The following OR9Q1 variants were observed in gnomAD, a reference collection of about 807,000 sequenced individuals.
OR9Q1 encodes the protein olfactory receptor family 9 subfamily Q member 1.
For synonymous variants in OR9Q1, 153 were observed against 148.6 expected, an observed-to-expected ratio of 1.03 and a Z score of -0.22; for missense variants, 374 against 378.8, an observed-to-expected ratio of 0.99 and a Z score of 0.11.
chr11:58,146,866 T>C (rs145242425), intron 2 of OR9Q1, among the ~76,000 whole-genome samples: 12 of 152,304 alleles, frequency 7.9e-5, no homozygotes, highest in Admixed American at 5.2e-4. Context: ...GGGCTTAGTG[T>C]GAGATGCAAC....
chr11:58,115,210 C>A (rs1853941292), intron 2 of OR9Q1, among the ~76,000 whole-genome samples: 1 of 152,110 alleles, frequency 6.6e-6, no homozygotes. Context: ...TTAACAATAA[C>A]ATATGTATTG....
At chr11:58,090,687 C>G (rs1200914657) in intron 2 of OR9Q1, among the ~76,000 whole-genome samples, 2 of 152,044 alleles carry the variant, frequency 1.3e-5, no homozygotes, top group Non-Finnish European at 2.9e-5. Flanking sequence ...CCCTGTTTTT[C>G]TATTGTTTGG....
chr11:58,053,329 T>A (rs1363875131), intron 1 of OR9Q1, among the ~76,000 whole-genome samples: 2 of 151,048 alleles, frequency 1.3e-5, no homozygotes, highest in South Asian at 2.1e-4. Context: ...ATCATCATTC[T>A]CAGTAAACTA....
chr11:58,146,534 C>G (rs1854300516), intron 2 of OR9Q1, among the ~76,000 whole-genome samples: 2 of 152,134 alleles, frequency 1.3e-5, no homozygotes. Flanking sequence ...ATGGTTCCTT[C>G]AGCATGGAGA....
intron 2 of OR9Q1, among the ~76,000 whole-genome samples, chr11:58,096,052 A>ATT (rs1853728072): frequency 6.6e-6 from 1 of 152,024 alleles, no homozygotes; most frequent in East Asian, 1.9e-4. Context: ...CAACATATGT[A>ATT]TTTAAAGACT....
intron 1 of OR9Q1, among the ~76,000 whole-genome samples, chr11:58,042,753 C>A (rs558062043): frequency 6.6e-6 from 1 of 152,150 alleles, no homozygotes; most frequent in Non-Finnish European, 1.5e-5. Flanking sequence ...GCCATTTTCA[C>A]GATATTGATT....
chr11:58,102,221 A>T (rs1025948143), intron 2 of OR9Q1, among the ~76,000 whole-genome samples: 1 of 150,720 alleles, frequency 6.6e-6, no homozygotes, highest in African/African-American at 2.4e-5. Context: ...CATTTTGTCA[A>T]TTGCTTTCTG....
chr11:58,174,168 T>C (rs1854581336), intron 2 of OR9Q1, among the ~76,000 whole-genome samples: 1 of 152,192 alleles, frequency 6.6e-6, no homozygotes, highest in Non-Finnish European at 1.5e-5. Flanking sequence ...GCTTGCTTTG[T>C]CTTGTGGGAC....
chr11:58,126,501 G>C (rs148570242), intron 2 of OR9Q1, among the ~76,000 whole-genome samples: 36 of 152,238 alleles, frequency 2.4e-4, no homozygotes, highest in African/African-American at 8.7e-4. Context: ...AAAAACCTTT[G>C]AAAATTAGCA....
intron 1 of OR9Q1, chr11:58,031,669 G>A: frequency 6.2e-7 from 1 of 1,613,928 alleles, no homozygotes; most frequent in Non-Finnish European, 8.5e-7. Context: ...CTGAGCGCTG[G>A]AAGGCCTTCT....
At chr11:58,160,816 G>A (rs1490420149) in intron 2 of OR9Q1, among the ~76,000 whole-genome samples, 2 of 152,040 alleles carry the variant, frequency 1.3e-5, no homozygotes, top group South Asian at 2.1e-4. Flanking sequence ...GCAAGTTCAC[G>A]CCCACCATAG....
chr11:58,048,702 G>A (rs1328215880), intron 1 of OR9Q1, among the ~76,000 whole-genome samples: 4 of 118,902 alleles, frequency 3.4e-5, no homozygotes, highest in Admixed American at 2.5e-4. Context: ...ATATTTTTTA[G>A]CAAGACTAAT....
At chr11:58,024,522 C>A (rs555182390) in intron 1 of OR9Q1, among the ~76,000 whole-genome samples, 1 of 152,294 alleles carries the variant, frequency 6.6e-6, no homozygotes, top group Non-Finnish European at 1.5e-5. Context: ...CTACAGGAAC[C>A]AAGTTTCAAT....
intron 2 of OR9Q1, among the ~76,000 whole-genome samples, chr11:58,059,687 CAAAAAAAAAAAAAAAAAAAAAAAAA>C (rs58893511): frequency 2.5e-5 from 1 of 40,188 alleles, no homozygotes; most frequent in African/African-American, 8.8e-5. Flanking sequence ...GGCTCTGTCT[CAAAAAAAAAAAAAAAAAAAAAAAAA>C]AAAAGGAAAG....
At chr11:58,103,206 C>T (rs1853801300) in intron 2 of OR9Q1, among the ~76,000 whole-genome samples, 1 of 152,090 alleles carries the variant, frequency 6.6e-6, no homozygotes, top group Non-Finnish European at 1.5e-5. Context: ...CACATGGCGG[C>T]AGCAAGGAGA....
intron 2 of OR9Q1, among the ~76,000 whole-genome samples, chr11:58,082,697 G>A (rs1157537089): frequency 2.5e-4 from 37 of 145,306 alleles, no homozygotes; most frequent in Non-Finnish European, 4.4e-4. Flanking sequence ...GTATGCATAT[G>A]TAACTAACCT....
chr11:58,112,040 C>A (rs1205484464), intron 2 of OR9Q1, among the ~76,000 whole-genome samples: 1 of 151,782 alleles, frequency 6.6e-6, no homozygotes, highest in Admixed American at 6.6e-5. Flanking sequence ...GTAATCCCAG[C>A]ACTTTTGGAG....
intron 2 of OR9Q1, among the ~76,000 whole-genome samples, chr11:58,084,879 A>G (rs1853620316): frequency 6.6e-6 from 1 of 151,808 alleles, no homozygotes; most frequent in Admixed American, 6.6e-5. Context: ...TGAGAACTGG[A>G]ACAAGATAAG....
intron 1 of OR9Q1, among the ~76,000 whole-genome samples, chr11:58,042,676 T>A (rs958281517): frequency 3.3e-5 from 5 of 152,150 alleles, no homozygotes; most frequent in African/African-American, 4.8e-5. Context: ...TTTCCAATTC[T>A]GTGAAGAAAG....
Sources: allele counts gnomAD v4.1 joint callset (sites outside exome capture counted in the v4.1 genomes callset), GRCh38; gene constraint gnomAD v4.1.1; transcripts MANE v1.5; gene names NCBI Gene and HGNC (gene_info 2026-07-23, HGNC 2026-07-21).